KAZN: variants seen among roughly 807,000 people sequenced by gnomAD.
The protein encoded by KAZN is kazrin, periplakin interacting protein.
Under a neutral mutation model 87.4 loss-of-function variants are expected in KAZN, and 40 were observed. That is an observed-to-expected ratio of 0.46 (90% confidence interval 0.36 to 0.60). The LOEUF is 0.60. Ranked by LOEUF, KAZN falls within the 20% of genes least tolerant of loss-of-function variation. KAZN has a pLI of 0.00. For missense variants in KAZN, 898 were observed against 1,073.9 expected, an observed-to-expected ratio of 0.84 and a Z score of 2.29; for synonymous variants, 466 against 458.3, an observed-to-expected ratio of 1.02 and a Z score of -0.22.
At chr1:15,016,869 C>A (rs776924688) in intron 2 of KAZN, among the ~76,000 whole-genome samples, 12 of 152,144 alleles carry the variant, frequency 7.9e-5, no homozygotes, top group Non-Finnish European at 8.8e-5. Flanking sequence ...CACCGGCGGC[C>A]CAGGATTCTG....
intron 3 of KAZN, among the ~76,000 whole-genome samples, chr1:15,041,844 G>T (rs974756457): frequency 3.3e-5 from 5 of 152,140 alleles, no homozygotes; most frequent in African/African-American, 9.7e-5. Context: ...AGGGATTGAG[G>T]CCTCTACCAC....
Position 15,116,558 on chromosome 1 carries a change from T to C in KAZN, c.*1923T>C, listed in dbSNP as rs556691455. 7 of 152,296 alleles carry C rather than the reference T, an allele frequency of 4.6e-5. No individual in the cohort carries two copies. Among genetic ancestry groups the C allele is most frequent in the Admixed American group, 1.3e-4 (2 of 15,304 alleles). 9.4% of individuals were successfully genotyped at this position (152,296 alleles called of 1,614,324 possible). On this transcript the variant is annotated 3_prime_UTR_variant, in exon 15 of 15. Transcript: ENST00000376030. ...TCTTCATGACATTCGGCCTCATCCA[T>C]AGGGTCCTGAAGCTGCAGTCCACAG... is the stretch of plus-strand genomic sequence containing the variant.
intron 2 of KAZN, chr1:14,351,132 C>T (rs1658522825): frequency 6.6e-6 from 1 of 152,230 alleles, no homozygotes. Flanking sequence ...TTTTCTTTTC[C>T]TGGCAGGTGT....
chr1:14,378,517 AC>A (rs34223427), intron 2 of KAZN, among the ~76,000 whole-genome samples: 73 of 152,292 alleles, frequency 4.8e-4, no homozygotes, highest in African/African-American at 1.7e-3. Flanking sequence ...TGTCGACATT[AC>A]CCCCTTTCCC....
chr1:14,578,412 G>A (rs1675323846), intron 2 of KAZN, among the ~76,000 whole-genome samples: 1 of 151,872 alleles, frequency 6.6e-6, no homozygotes, highest in Non-Finnish European at 1.5e-5. Flanking sequence ...GAGGAGAGGA[G>A]AAAAGAATTT....
intron 10 of KAZN, among the ~76,000 whole-genome samples, chr1:15,100,061 G>C (rs1026354368): frequency 2.0e-5 from 3 of 152,148 alleles, no homozygotes; most frequent in African/African-American, 4.8e-5. Flanking sequence ...GAGGCTGAGA[G>C]AGGAAAGAGG....
chr1:14,230,568 T>G (rs1647722717), intron 2 of KAZN, among the ~76,000 whole-genome samples: 2 of 152,188 alleles, frequency 1.3e-5, no homozygotes, highest in Admixed American at 1.3e-4. Flanking sequence ...TTTATATTTT[T>G]CCTCTATAGC....
chr1:14,278,533 A>G (rs1440832896), intron 2 of KAZN, among the ~76,000 whole-genome samples: 10 of 151,838 alleles, frequency 6.6e-5, no homozygotes, highest in Non-Finnish European at 1.5e-4. Flanking sequence ...CAGGTAATCC[A>G]CCTGCCTCAG....
rs546764174 is a variant in KAZN, at chr1:14,528,054, C to T, written c.250-70929C>T. ...ATCTATCTATCTATCTATCTATGTA[C>T]CTACCTACCTATCTATCTTCCTCTC... On this transcript the variant is annotated intron_variant, in intron 2 of 16. Coordinates refer to the KAZN transcript ENST00000636203. Among the ~76,000 whole-genome samples the T allele has an allele frequency of 2.8e-5, 4 of 143,330 alleles. No individual in the cohort carries two copies. In the South Asian group the frequency reaches 6.8e-4, roughly 24 times the overall value. The allele number at this position is 143,330 out of a possible 152,430, so 94.0% of individuals were successfully genotyped here. A position where few individuals can be genotyped will look rare whatever the true frequency, so the allele number is the denominator to read the frequency against.
At chr1:14,739,802 G>A (rs768274232) in intron 1 of KAZN, among the ~76,000 whole-genome samples, 2 of 151,492 alleles carry the variant, frequency 1.3e-5, no homozygotes, top group African/African-American at 4.9e-5. Flanking sequence ...AAAAAATGTT[G>A]ATCTGTCTGC....
intron 1 of KAZN, among the ~76,000 whole-genome samples, chr1:13,958,431 G>A (rs537894631): frequency 6.5e-4 from 99 of 151,930 alleles, no homozygotes; most frequent in Non-Finnish European, 1.1e-3. Context: ...AAAATTAGCC[G>A]GGCATAGTGG....
At chr1:14,946,081 TCAAA>T in intron 1 of KAZN, 1 of 213,872 alleles carries the variant, frequency 4.7e-6, no homozygotes, top group Non-Finnish European at 8.0e-6. Flanking sequence ...CGTGCCAGGG[TCAAA>T]CAACTACCCA....
chr1:14,113,889 A>G (rs1435999156), intron 1 of KAZN, among the ~76,000 whole-genome samples: 1 of 152,196 alleles, frequency 6.6e-6, no homozygotes, highest in African/African-American at 2.4e-5. Flanking sequence ...TGGGGCATCT[A>G]CTGGCCAGTG....
intron 2 of KAZN, among the ~76,000 whole-genome samples, chr1:14,536,335 T>A (rs145115627): frequency 4.4e-4 from 67 of 152,346 alleles, no homozygotes; most frequent in African/African-American, 1.6e-3. Flanking sequence ...TGAATGTCCC[T>A]CACCACATGT....
chr1:13,938,301 G>A (rs1021204236), intron 1 of KAZN, among the ~76,000 whole-genome samples: 1 of 152,080 alleles, frequency 6.6e-6, no homozygotes, highest in Non-Finnish European at 1.5e-5. Flanking sequence ...ATGGGAATGA[G>A]TTCTTGATTT....
At chr1:14,041,127 A>G (rs1236496716) in intron 1 of KAZN, among the ~76,000 whole-genome samples, 1 of 152,092 alleles carries the variant, frequency 6.6e-6, no homozygotes. Flanking sequence ...TTTCTCCAAT[A>G]TTTTCAAATC....
chr1:14,950,826 G>T (rs1278998203), intron 1 of KAZN, among the ~76,000 whole-genome samples: 2 of 152,118 alleles, frequency 1.3e-5, no homozygotes. Context: ...AACTCTCCAG[G>T]GAGGGTTTCA....
At chr1:14,357,063 G>C (rs1659094110) in intron 2 of KAZN, among the ~76,000 whole-genome samples, 1 of 152,134 alleles carries the variant, frequency 6.6e-6, no homozygotes, top group Non-Finnish European at 1.5e-5. Flanking sequence ...CATGAGCATG[G>C]AATGTTTTTC....
intron 1 of KAZN, among the ~76,000 whole-genome samples, chr1:13,925,752 A>G (rs1534946): frequency 0.16 from 24,919 of 152,234 alleles, 2,677 homozygotes; most frequent in Non-Finnish European, 0.24. Flanking sequence ...CCAGCGGTTG[A>G]AAATGGACCA....
Sources: gnomAD v4.1 joint callset for allele counts (sites outside exome capture counted in the v4.1 genomes callset) on GRCh38, gnomAD v4.1.1 for gene constraint, MANE v1.5 for transcripts, NCBI Gene and HGNC (gene_info 2026-07-23, HGNC 2026-07-21) for gene names.